SYT1: variants seen among roughly 807,000 people sequenced by gnomAD.
SYT1 encodes synaptotagmin-1.
In SYT1, 8 loss-of-function variants were observed where a neutral mutation model predicts 44.8. The observed-to-expected ratio is 0.18, with a 90% CI of 0.10 to 0.32. The LOEUF is 0.32. SYT1 is among the 10% of genes least tolerant of loss of function. SYT1 has a pLI of 1.00. For missense variants in SYT1, 286 were observed against 509.3 expected (o/e 0.56, Z 4.22); for synonymous variants, 154 against 188.8 (o/e 0.82, Z 1.51).
At chr12:79,256,649 A>T (rs1459460623) in intron 4 of SYT1, among the ~76,000 whole-genome samples, 1 of 151,506 alleles carries the variant, frequency 6.6e-6, no homozygotes, top group Non-Finnish European at 1.5e-5. Context: ...CCATTTTTTG[A>T]TGAAGGGAGA....
At chr12:79,227,606 C>T (rs1233116050) in intron 4 of SYT1, among the ~76,000 whole-genome samples, 1 of 152,148 alleles carries the variant, frequency 6.6e-6, no homozygotes, top group African/African-American at 2.4e-5. Flanking sequence ...ATTAAAAATA[C>T]AAGCTCTAGC....
intron 3 of SYT1, among the ~76,000 whole-genome samples, chr12:79,091,261 G>A (rs1283922181): frequency 6.6e-6 from 1 of 151,902 alleles, no homozygotes; most frequent in Non-Finnish European, 1.5e-5. Flanking sequence ...TAAGACATTA[G>A]CAAAGGGAAG....
intron 3 of SYT1, among the ~76,000 whole-genome samples, chr12:79,111,910 G>T (rs1485949221): frequency 6.6e-6 from 1 of 151,824 alleles, no homozygotes; most frequent in Non-Finnish European, 1.5e-5. Context: ...ACATTCCACA[G>T]AAATTTTTTA....
chr12:79,329,447 A>C (rs577097127), intron 8 of SYT1, among the ~76,000 whole-genome samples: 1 of 152,324 alleles, frequency 6.6e-6, no homozygotes, highest in Non-Finnish European at 1.5e-5. Flanking sequence ...AAATACACAA[A>C]GTTGGATAAA....
intron 3 of SYT1, among the ~76,000 whole-genome samples, chr12:79,154,223 T>A (rs1199482908): frequency 1.3e-5 from 2 of 152,104 alleles, no homozygotes; most frequent in Non-Finnish European, 2.9e-5. Context: ...CAGAAGCTCT[T>A]CAATTTCAGA....
chr12:79,234,337 G>A (rs1278240111), intron 4 of SYT1, among the ~76,000 whole-genome samples: 1 of 152,164 alleles, frequency 6.6e-6, no homozygotes, highest in Admixed American at 6.5e-5. Context: ...AAAATGTATA[G>A]TTCTATGCTT....
intron 8 of SYT1, among the ~76,000 whole-genome samples, chr12:79,348,223 A>T (rs1269010292): frequency 1.3e-5 from 2 of 152,198 alleles, no homozygotes; most frequent in African/African-American, 2.4e-5. Context: ...CTTTTATGTG[A>T]GAAGGAAACT....
intron 2 of SYT1, among the ~76,000 whole-genome samples, chr12:79,038,876 C>T (rs1715354667): frequency 2.0e-5 from 3 of 152,030 alleles, no homozygotes; most frequent in Non-Finnish European, 2.9e-5. Context: ...AATCAATATT[C>T]TCCTCAAAAG....
chr12:79,358,639 T>TC (rs1883202392), intron 9 of SYT1, among the ~76,000 whole-genome samples: 1 of 152,108 alleles, frequency 6.6e-6, no homozygotes, highest in Admixed American at 6.6e-5. Flanking sequence ...GAAGTTCAGA[T>TC]CCCCCCAGTT....
At chr12:79,195,178 C>T (rs903401571) in intron 3 of SYT1, among the ~76,000 whole-genome samples, 6 of 152,132 alleles carry the variant, frequency 3.9e-5, no homozygotes, top group Non-Finnish European at 8.8e-5. Flanking sequence ...TTATATTACA[C>T]GTAGGTGCTG....
At position 79,241,262 on chromosome 12, in the gene SYT1, CTT is replaced by C. The variant is rs3067371; in HGVS notation, c.166+23589_166+23590del. On this transcript the variant is annotated intron_variant, in intron 4 of 10. Coordinates refer to ENST00000261205, the MANE Select transcript of SYT1 (RefSeq NM_005639.3). ...ACTGAGGAATGATTTGCACTGGCAA[CTT>C]TTTTTTTTTTTAATTTTATTTTTGG... Among the ~76,000 whole-genome samples, 658 of 149,800 alleles carry C rather than the reference CTT, an allele frequency of 4.4e-3. 8 individuals carry two copies. The highest frequency in any genetic ancestry group is 0.014 in the African/African-American group (586 of 41,016).
intron 2 of SYT1, among the ~76,000 whole-genome samples, chr12:79,013,681 C>T (rs1565762469): frequency 6.6e-6 from 1 of 152,092 alleles, no homozygotes; most frequent in Non-Finnish European, 1.5e-5. Context: ...AAAGCAAAAA[C>T]ATCAGATAGG....
intron 9 of SYT1, among the ~76,000 whole-genome samples, chr12:79,401,062 G>A (rs1004201339): frequency 3.9e-5 from 6 of 152,106 alleles, no homozygotes; most frequent in Non-Finnish European, 5.9e-5. Flanking sequence ...CTGTAAGGTG[G>A]ACATAATGCT....
chr12:79,321,310 A>T (rs1881346846), intron 8 of SYT1, among the ~76,000 whole-genome samples: 1 of 152,212 alleles, frequency 6.6e-6, no homozygotes, highest in Admixed American at 6.5e-5. Context: ...CAGGGACTTC[A>T]TGTTAAATTC....
chr12:79,364,589 T>C (rs1883464092), intron 9 of SYT1, among the ~76,000 whole-genome samples: 1 of 152,200 alleles, frequency 6.6e-6, no homozygotes, highest in South Asian at 2.1e-4. Flanking sequence ...TAATTTTTTC[T>C]TTCAGAAATA....
At chr12:79,375,246 G>C (rs577162789) in intron 9 of SYT1, among the ~76,000 whole-genome samples, 1 of 152,260 alleles carries the variant, frequency 6.6e-6, no homozygotes, top group Non-Finnish European at 1.5e-5. Flanking sequence ...CAGAGGAAGA[G>C]TACTTAACCT....
intron 4 of SYT1, among the ~76,000 whole-genome samples, chr12:79,223,891 C>T (rs551795952): frequency 3.9e-5 from 6 of 152,294 alleles, no homozygotes; most frequent in South Asian, 2.1e-4. Context: ...GTCCTGTGCT[C>T]GCTTCCCTCT....
At chr12:79,409,761 T>A (rs1868346996) in intron 9 of SYT1, among the ~76,000 whole-genome samples, 1 of 152,152 alleles carries the variant, frequency 6.6e-6, no homozygotes, top group Non-Finnish European at 1.5e-5. Context: ...ACATTTTGAT[T>A]CCTAATATGG....
At chr12:78,995,482 C>T (rs1005052904) in intron 2 of SYT1, among the ~76,000 whole-genome samples, 1 of 152,134 alleles carries the variant, frequency 6.6e-6, no homozygotes, top group Middle Eastern at 3.2e-3. Flanking sequence ...GCAGCTTTCT[C>T]CAGAGAGTAA....
Sources: gnomAD v4.1 joint callset for allele counts (sites outside exome capture counted in the v4.1 genomes callset) on GRCh38, gnomAD v4.1.1 for gene constraint, MANE v1.5 for transcripts, NCBI Gene and HGNC (gene_info 2026-07-23, HGNC 2026-07-21) for gene names.